APBB2: variants seen among roughly 807,000 people sequenced by gnomAD.
APBB2 encodes the protein amyloid beta precursor protein binding family B member 2.
Under a neutral mutation model 82.5 loss-of-function variants are expected in APBB2, and 38 were observed. The ratio of observed to expected loss-of-function variants is 0.46; its 90% confidence interval spans 0.36 to 0.60. The LOEUF is 0.60. Among genes scored for constraint, APBB2 ranks in the 20% least tolerant of loss-of-function variants. The pLI is 0.00. For missense variants in APBB2, 772 were observed against 972.3 expected (o/e 0.79, Z 2.74); for synonymous variants, 341 against 368.2 (o/e 0.93, Z 0.85).
At chr4:41,063,348 A>C (rs986694248) in intron 4 of APBB2, among the ~76,000 whole-genome samples, 2 of 152,244 alleles carry the variant, frequency 1.3e-5, no homozygotes, top group Non-Finnish European at 2.9e-5. Context: ...TATAAAAATA[A>C]GCATGGGCTG....
In APBB2 at chr4:41,019,887, A is replaced by T. The variant is rs531986852; in HGVS notation, c.20-5489T>A. 8.6e-5 allele frequency among the ~76,000 whole-genome samples: 13 copies of T among 152,028 alleles called. No individual in the cohort carries two copies. In the South Asian group the frequency reaches 2.5e-3, roughly 29 times the overall value. The stretch of plus-strand genomic sequence containing the variant: ...AAGAGACAAGGAGACAGAAAGTCAG[A>T]GAGAGAGGAAGAGACAGAGAGACAA... On this transcript the variant is annotated intron_variant, in intron 5 of 17. Transcript: ENST00000508593.
intron 6 of APBB2, among the ~76,000 whole-genome samples, chr4:40,961,772 A>G (rs558067568): frequency 6.8e-6 from 1 of 146,706 alleles, no homozygotes; most frequent in African/African-American, 2.5e-5. Context: ...ATATAACTTC[A>G]TCGGTTATGA....
chr4:41,120,994 A>G (rs1752644586), intron 2 of APBB2, among the ~76,000 whole-genome samples: 1 of 152,248 alleles, frequency 6.6e-6, no homozygotes, highest in Admixed American at 6.5e-5. Context: ...GAAGGCTTCC[A>G]AAGTACTGGG....
chr4:41,009,407 G>T (rs1264475150), intron 6 of APBB2, among the ~76,000 whole-genome samples: 1 of 151,984 alleles, frequency 6.6e-6, no homozygotes, highest in Non-Finnish European at 1.5e-5. Flanking sequence ...AGACTACAGA[G>T]GAGGAAAAGG....
At chr4:40,895,832 C>T (rs984365951) in intron 10 of APBB2, among the ~76,000 whole-genome samples, 2 of 152,204 alleles carry the variant, frequency 1.3e-5, no homozygotes, top group Non-Finnish European at 2.9e-5. Flanking sequence ...AGTCCTCACC[C>T]CAACCCTTTG....
chr4:40,982,145 A>G (rs1290838425), intron 6 of APBB2, among the ~76,000 whole-genome samples: 4 of 149,014 alleles, frequency 2.7e-5, no homozygotes, highest in African/African-American at 7.5e-5. Flanking sequence ...AGGTCACACC[A>G]TTGCACTCCA....
intron 6 of APBB2, among the ~76,000 whole-genome samples, chr4:40,998,123 C>G (rs1804158552): frequency 6.6e-6 from 1 of 152,184 alleles, no homozygotes; most frequent in South Asian, 2.1e-4. Flanking sequence ...TGATCAAATG[C>G]AAGCTTTTAA....
At chr4:40,941,528 G>A (rs1786924364) in intron 7 of APBB2, among the ~76,000 whole-genome samples, 3 of 152,226 alleles carry the variant, frequency 2.0e-5, no homozygotes, top group African/African-American at 7.2e-5. Context: ...TTAGCTGTGT[G>A]TCTTGCCCAA....
chr4:41,066,987 G>T (rs958354724), intron 3 of APBB2, among the ~76,000 whole-genome samples: 1 of 152,124 alleles, frequency 6.6e-6, no homozygotes, highest in African/African-American at 2.4e-5. Flanking sequence ...GAGGAGAGAA[G>T]AATTAGTACT....
chr4:40,852,140 G>A (rs754708587), intron 12 of APBB2, among the ~76,000 whole-genome samples: 4 of 151,754 alleles, frequency 2.6e-5, no homozygotes, highest in East Asian at 1.9e-4. Flanking sequence ...ACTTGAGGTC[G>A]GGAGCTCAAA....
chr4:41,196,431 G>A lies in APBB2; in HGVS notation c.-417+17974C>T. ...AACCTTTGCCCAGCCACTTATTATC[G>A]CAAAGATTTTAAACACATTCAATGC... On this transcript the variant is annotated intron_variant, in intron 1 of 17. Coordinates refer to ENST00000508593, the MANE Select transcript of APBB2 (RefSeq NM_004307.2). Among the ~76,000 whole-genome samples the A allele has an allele frequency of 9.1e-4, 138 of 152,090 alleles. 1 individual carries two copies. The highest frequency in any genetic ancestry group is 1.5e-3 in the Non-Finnish European group (99 of 68,000).
At chr4:41,071,606 G>A (rs557167212) in intron 3 of APBB2, among the ~76,000 whole-genome samples, 6 of 152,130 alleles carry the variant, frequency 3.9e-5, no homozygotes, top group East Asian at 3.9e-4. Context: ...GCTTGAACCC[G>A]GGAGGCAGAG....
Position 40,934,523 on chromosome 4 carries a change from A to AG in APBB2, c.1194-8dup, listed in dbSNP as rs751470312. The AG allele has an allele frequency of 2.5e-6, 4 of 1,614,056 alleles. No homozygotes were observed. In the African/African-American group the frequency reaches 5.3e-5, roughly 22 times the overall value. ...ATCAGGGTGTGGGGCATTTCTAGGC[A>AG]GAAAAACAGAAAAGTGGACTTAGAA... On this transcript the variant is annotated splice_polypyrimidine_tract_variant and splice_region_variant and intron_variant, in intron 9 of 17. Coordinates refer to ENST00000508593, the MANE Select transcript of APBB2 (RefSeq NM_004307.2).
chr4:40,850,520 T>C lies in APBB2; in HGVS notation c.1530-19943A>G, dbSNP rs546874481. Among the ~76,000 whole-genome samples, 413 of 152,316 alleles carry C rather than the reference T, an allele frequency of 2.7e-3. 3 individuals are homozygous for C. The highest frequency in any genetic ancestry group is 9.6e-3 in the African/African-American group (397 of 41,564). On this transcript the variant is annotated intron_variant, in intron 12 of 17. Transcript: ENST00000508593. Reference sequence around the variant, plus strand: ...CCCTATTTGAATTGTCATTAAAGGTTCTGTGCAGGTCCTTCAGATCAGGGA... The same window carrying C: ...CCCTATTTGAATTGTCATTAAAGGTCCTGTGCAGGTCCTTCAGATCAGGGA...
At chr4:41,159,966 GAA>G (rs765291109) in intron 1 of APBB2, among the ~76,000 whole-genome samples, 2,199 of 86,886 alleles carry the variant, frequency 0.025, 241 homozygotes, top group African/African-American at 0.082. Flanking sequence ...AGAAGGAGAA[GAA>G]GAAGAAGAAG....
chr4:41,016,469 C>T (rs546053713), intron 5 of APBB2, among the ~76,000 whole-genome samples: 95 of 152,208 alleles, frequency 6.2e-4, no homozygotes, highest in Non-Finnish European at 1.1e-3. Flanking sequence ...TGAGACCAGC[C>T]TGACCAACAT....
At chr4:40,893,213 A>G in intron 11 of APBB2, 52 bp downstream of exon 11, 1 of 1,591,170 alleles carries the variant, frequency 6.3e-7, no homozygotes. Flanking sequence ...GGCTTCCTGA[A>G]ATGCAGGAGA....
At chr4:41,049,481 G>T (rs1437010845) in intron 4 of APBB2, among the ~76,000 whole-genome samples, 1 of 145,902 alleles carries the variant, frequency 6.9e-6, no homozygotes, top group African/African-American at 2.5e-5. Flanking sequence ...GCCCCCGCCC[G>T]GCCAGCCGCC....
chr4:41,121,320 CAT>C (rs1252890595), intron 2 of APBB2, among the ~76,000 whole-genome samples: 2 of 152,252 alleles, frequency 1.3e-5, no homozygotes, highest in African/African-American at 4.8e-5. Flanking sequence ...GAGCTACCCA[CAT>C]GTTCCTTGTC....
Sources: allele counts gnomAD v4.1 joint callset (sites outside exome capture counted in the v4.1 genomes callset), GRCh38; gene constraint gnomAD v4.1.1; transcripts MANE v1.5; gene names NCBI Gene and HGNC (gene_info 2026-07-23, HGNC 2026-07-21).